Variants in MAP7D2 observed in about 807,000 individuals in gnomAD.
The protein encoded by MAP7D2 is MAP7 domain containing 2.
MAP7D2 carries 33 observed loss-of-function variants against 63.5 expected under a neutral mutation model. That is an observed-to-expected ratio of 0.52 (90% CI 0.39 to 0.70). The LOEUF is 0.70. Ranked by LOEUF, MAP7D2 falls within the 30% of genes least tolerant of loss-of-function variation. MAP7D2 has a pLI of 0.00. For synonymous variants in MAP7D2, 224 were observed against 223.7 expected, an observed-to-expected ratio of 1.00 and a Z score of -0.01; for missense variants, 626 against 604.0, an observed-to-expected ratio of 1.04 and a Z score of -0.38.
rs1355398823 is a variant in MAP7D2, at chrX:20,007,138, C to T, written c.*1287G>A. ...AGGCATGTACTTTATTGAGTAGAGA[C>T]ACATACACAGACATATAATTTCTGT... On this transcript the variant is annotated 3_prime_UTR_variant, in exon 17 of 17. Transcript: ENST00000379643. 4.5e-5 allele frequency: 5 copies of T among 111,958 alleles called. No homozygotes were observed. The highest frequency in any genetic ancestry group is 7.5e-5 in the Non-Finnish European group (4 of 53,241). The allele number at this position is 111,958 out of a possible 1,213,427, so 9.2% of individuals were successfully genotyped here.
chrX:20,108,087 T>G (rs2066619494), intron 1 of MAP7D2, among the ~76,000 whole-genome samples: 1 of 110,878 alleles, frequency 9.0e-6, no homozygotes, highest in African/African-American at 3.3e-5. Flanking sequence ...CTTTTTTACG[T>G]TTTTTTTGTT....
chrX:20,116,462 C>T, intron 1 of MAP7D2: 4 of 600,950 alleles, frequency 6.7e-6, no homozygotes, highest in African/African-American at 2.4e-5. Context: ...CGCAGCACCC[C>T]CTCAGGCACC....
chrX:20,087,346 G>A (rs1186743537), intron 1 of MAP7D2, among the ~76,000 whole-genome samples: 1 of 111,131 alleles, frequency 9.0e-6, no homozygotes, highest in Non-Finnish European at 1.9e-5. Context: ...AGTCCCTCCA[G>A]AGCTGGATGT....
At chrX:20,110,272 GAGGTC>G (rs2066703427) in intron 1 of MAP7D2, among the ~76,000 whole-genome samples, 1 of 109,528 alleles carries the variant, frequency 9.1e-6, no homozygotes, top group South Asian at 4.0e-4. Flanking sequence ...CAGATCACTT[GAGGTC>G]AGGAGTTCAA....
In MAP7D2 at chrX:20,039,979, C is replaced by A. The variant is rs1429582014; in HGVS notation, c.1007+2523G>T. 7.3e-5 allele frequency among the ~76,000 whole-genome samples: 6 copies of A among 81,762 alleles called. 1 individual carries two copies. The highest frequency in any genetic ancestry group is 2.0e-4 in the African/African-American group (4 of 20,235). The allele number at this position is 81,762 out of a possible 115,157, so 71.0% of individuals were successfully genotyped here. A position where few individuals can be genotyped will look rare whatever the true frequency, so the allele number is the denominator to read the frequency against. On this transcript the variant is annotated intron_variant, in intron 8 of 16. Transcript: ENST00000379643. ...GCGCCACTGCACTCCAGCCTGGTGA[C>A]AGAGCAAGACTCCATCTCAAAAAAA...
Position 20,008,107 on chromosome X carries a change from C to T in MAP7D2, c.*318G>A, listed in dbSNP as rs1414196838. The T allele has an allele frequency of 8.9e-6, 1 of 112,162 alleles. No homozygotes were observed. Among genetic ancestry groups the T allele is most frequent in the Non-Finnish European group, 1.9e-5 (1 of 53,301 alleles). 9.2% of individuals were successfully genotyped at this position (112,162 alleles called of 1,213,427 possible). ...ATGGTTATAAAGCGAATTGCCGAGCCAGTCACTCAGGTTATTCAGAGGGTC... is the reference window on the plus strand; with the variant it reads ...ATGGTTATAAAGCGAATTGCCGAGCTAGTCACTCAGGTTATTCAGAGGGTC... On this transcript the variant is annotated 3_prime_UTR_variant, in exon 17 of 17. Coordinates refer to ENST00000379643, the MANE Select transcript of MAP7D2 (RefSeq NM_001168465.2).
At chrX:20,047,903 G>A (rs1327685517) in intron 6 of MAP7D2, among the ~76,000 whole-genome samples, 2 of 111,047 alleles carry the variant, frequency 1.8e-5, no homozygotes, top group African/African-American at 6.6e-5. Flanking sequence ...TCTGGTTAAT[G>A]AGATTTGCTT....
Position 20,116,721 on chromosome X carries a change from GGGCGC to G in MAP7D2, c.130+24_130+28del, listed in dbSNP as rs774603413. On this transcript the variant is annotated intron_variant, in intron 1 of 16. Transcript: ENST00000379643. ...CCCCCCACAGGAACCCGAAGCCCTC[GGGCGC>G]CCGCCACACTCTGGGGATAATACCT... 8 of 1,135,115 alleles carry G rather than the reference GGGCGC, an allele frequency of 7.0e-6. No individual in the cohort carries two copies. In the African/African-American group the frequency reaches 1.3e-4, roughly 18 times the overall value. The allele number at this position is 1,135,115 out of a possible 1,213,427, so 93.5% of individuals were successfully genotyped here. A position where few individuals can be genotyped will look rare whatever the true frequency, so the allele number is the denominator to read the frequency against.
intron 16 of MAP7D2, among the ~76,000 whole-genome samples, 192 bp downstream of exon 16, chrX:20,010,585 C>T (rs573234379): frequency 1.8e-5 from 2 of 111,859 alleles, no homozygotes; most frequent in South Asian, 7.4e-4. Flanking sequence ...GGCGGCTCGG[C>T]GCTGAAGGCT....
intron 8 of MAP7D2, among the ~76,000 whole-genome samples, chrX:20,034,586 G>A (rs146561668): frequency 0.014 from 1,564 of 111,372 alleles, 8 homozygotes; most frequent in Middle Eastern, 0.018. Context: ...CCTCCTGAAT[G>A]GCATCAGTGC....
chrX:20,091,876 A>G (rs1222384603), intron 1 of MAP7D2, among the ~76,000 whole-genome samples: 1 of 112,068 alleles, frequency 8.9e-6, no homozygotes, highest in Non-Finnish European at 1.9e-5. Context: ...ATTTGTTTTG[A>G]GCAAGATGGT....
chrX:20,042,816 T>TA lies in MAP7D2; in HGVS notation c.880-188dup, dbSNP rs888131039. ...GGTCATCACATTTGCATTATCCAGT[T>TA]AAAAAAAATCAGCCTCAAAATGCAA... On this transcript the variant is annotated intron_variant, in intron 7 of 16. Coordinates refer to ENST00000379643, the MANE Select transcript of MAP7D2 (RefSeq NM_001168465.2). Among the ~76,000 whole-genome samples, 90 of 111,902 alleles carry TA rather than the reference T, an allele frequency of 8.0e-4. 1 individual carries two copies. Among genetic ancestry groups the TA allele is most frequent in the African/African-American group, 2.8e-3 (87 of 30,819 alleles).
At chrX:20,099,151 C>G (rs2066356737) in intron 1 of MAP7D2, among the ~76,000 whole-genome samples, 1 of 112,210 alleles carries the variant, frequency 8.9e-6, no homozygotes, top group African/African-American at 3.2e-5. Flanking sequence ...AAGACCGACT[C>G]CCTTTTGATC....
Position 20,116,751 on chromosome X carries a change from T to A in MAP7D2, c.129A>T (p.Gln43His). ...CCCGCCACACTCTGGGGATAATACC[T>A]TGAGGCCGGTAGTTGGGCTGAGAGG... is the stretch of plus-strand genomic sequence containing the variant. Reference protein sequence around the residue: ...VRTSQPNYRPQGMEGFLKSDE... With the variant: ...VRTSQPNYRPHGMEGFLKSDE... The change falls in exon 1 of 17, where the codon CAA (glutamine) becomes CAT (histidine). Residue 43 changes from glutamine (Q) to histidine (H), a missense_variant and splice_region_variant. Gln to His is a conservative substitution (Grantham distance 24). Coordinates refer to ENST00000379643, the MANE Select transcript of MAP7D2 (RefSeq NM_001168465.2). 1.7e-6 allele frequency: 2 copies of A among 1,175,777 alleles called. No homozygotes were observed.
At chrX:20,051,235 C>A (rs1481335676) in intron 5 of MAP7D2, among the ~76,000 whole-genome samples, 1 of 111,269 alleles carries the variant, frequency 9.0e-6, no homozygotes, top group Non-Finnish European at 1.9e-5. Context: ...AGCCCACCTC[C>A]CAGATGTAAT....
At chrX:20,090,906 T>C (rs1254628631) in intron 1 of MAP7D2, among the ~76,000 whole-genome samples, 2 of 110,235 alleles carry the variant, frequency 1.8e-5, no homozygotes, top group African/African-American at 6.6e-5. Context: ...GAGGCGAAGA[T>C]TACAATGAGC....
intron 1 of MAP7D2, among the ~76,000 whole-genome samples, chrX:20,106,803 C>T (rs1443085202): frequency 9.0e-6 from 1 of 110,579 alleles, no homozygotes; most frequent in Non-Finnish European, 1.9e-5. Context: ...CAGCATGAGA[C>T]CTGTCTCTAT....
chrX:20,045,081 T>C (rs2064759493), intron 6 of MAP7D2, among the ~76,000 whole-genome samples: 1 of 111,438 alleles, frequency 9.0e-6, no homozygotes, highest in Non-Finnish European at 1.9e-5. Flanking sequence ...CCCTGGGCAC[T>C]GAGTTTCTAG....
At chrX:20,056,061 T>C (rs779963624) in intron 4 of MAP7D2, among the ~76,000 whole-genome samples, 2 of 111,866 alleles carry the variant, frequency 1.8e-5, no homozygotes, top group South Asian at 7.5e-4. Context: ...ATAGAGCTAG[T>C]ACACACCTCC....
Sources: gnomAD v4.1 joint callset for allele counts (sites outside exome capture counted in the v4.1 genomes callset) on GRCh38, gnomAD v4.1.1 for gene constraint, MANE v1.5 for transcripts, NCBI Gene and HGNC (gene_info 2026-07-23, HGNC 2026-07-21) for gene names.